The following ROBO2 variants were observed in gnomAD, a reference collection of about 807,000 sequenced individuals.
ROBO2 encodes roundabout homolog 2.
In ROBO2, 53 loss-of-function variants were observed where a neutral mutation model predicts 160.8. The ratio of observed to expected loss-of-function variants is 0.33; its 90% CI spans 0.26 to 0.41. ROBO2 has a LOEUF of 0.41. Ranked by LOEUF, ROBO2 falls within the 10% of genes least tolerant of loss-of-function variation. The probability of loss-of-function intolerance (pLI) is 1.00; values close to 1 mark genes in which losing one functional copy is unlikely to be tolerated. For synonymous variants in ROBO2, 664 were observed against 611.7 expected (o/e 1.09, Z -1.26); for missense variants, 1,577 against 1,722.4 (o/e 0.92, Z 1.49).
chr3:77,539,062 C>T (rs1179222540), intron 6 of ROBO2, among the ~76,000 whole-genome samples: 2 of 152,060 alleles, frequency 1.3e-5, no homozygotes, highest in Non-Finnish European at 2.9e-5. Flanking sequence ...GGATTACAGG[C>T]GCACCCTGCC....
chr3:76,137,334 C>T (rs1478035322), intron 2 of ROBO2, among the ~76,000 whole-genome samples: 1 of 151,914 alleles, frequency 6.6e-6, no homozygotes, highest in Non-Finnish European at 1.5e-5. Flanking sequence ...TGTAGTAATT[C>T]TTGGTTGCCG....
chr3:76,804,858 G>A (rs1245422199), intron 2 of ROBO2, among the ~76,000 whole-genome samples: 5 of 152,190 alleles, frequency 3.3e-5, no homozygotes, highest in Non-Finnish European at 5.9e-5. Flanking sequence ...TATGCTCTTC[G>A]TAATAAACGC....
intron 2 of ROBO2, among the ~76,000 whole-genome samples, chr3:76,724,777 C>T (rs113379382): frequency 1.1e-3 from 174 of 152,216 alleles, no homozygotes; most frequent in African/African-American, 3.9e-3. Context: ...TCTTTGAAGA[C>T]GTGATTCTGT....
At chr3:77,474,003 C>T (rs1359837035) in intron 2 of ROBO2, among the ~76,000 whole-genome samples, 1 of 152,082 alleles carries the variant, frequency 6.6e-6, no homozygotes, top group Non-Finnish European at 1.5e-5. Flanking sequence ...TCTTACCTGC[C>T]TAAAGTCCGG....
intron 2 of ROBO2, among the ~76,000 whole-genome samples, chr3:76,258,968 C>G (rs947659286): frequency 1.3e-5 from 2 of 151,842 alleles, no homozygotes; most frequent in Non-Finnish European, 2.9e-5. Flanking sequence ...TTTTCTTGGC[C>G]CCAATGGTTA....
At chr3:77,516,274 T>A (rs1173001518) in intron 5 of ROBO2, among the ~76,000 whole-genome samples, 2 of 151,708 alleles carry the variant, frequency 1.3e-5, no homozygotes, top group African/African-American at 4.8e-5. Flanking sequence ...TTGAATTTTG[T>A]ATATGTACAT....
chr3:76,938,557 A>T (rs191474225), intron 2 of ROBO2, among the ~76,000 whole-genome samples: 1 of 152,170 alleles, frequency 6.6e-6, no homozygotes, highest in Non-Finnish European at 1.5e-5. Flanking sequence ...CTAGAAATTG[A>T]TAGAAGGCCA....
In ROBO2 at chr3:77,565,599, G is replaced by A. The variant is rs2093456502; in HGVS notation, c.1849+479G>A. ...CAACTGTTAGAAACACACATTTTCAGGCTCAAATTCAAACGCTCTGAGGTT... is the reference window on the plus strand; with the variant it reads ...CAACTGTTAGAAACACACATTTTCAAGCTCAAATTCAAACGCTCTGAGGTT... On this transcript the variant is annotated intron_variant, in intron 12 of 25. Transcript: ENST00000461745. Among the ~76,000 whole-genome samples the A allele has an allele frequency of 2.0e-5, 3 of 152,030 alleles. No individual in the cohort carries two copies. In the South Asian group the frequency reaches 6.2e-4, roughly 31 times the overall value.
chr3:77,280,122 A>G (rs922254402), intron 2 of ROBO2, among the ~76,000 whole-genome samples: 3 of 152,008 alleles, frequency 2.0e-5, no homozygotes, highest in African/African-American at 7.2e-5. Context: ...CACCTCTCTC[A>G]CCTACATCTC....
Position 76,317,278 on chromosome 3 carries a change from TCTTA to T in ROBO2, c.109+379680_109+379683del, listed in dbSNP as rs1484423661. Among the ~76,000 whole-genome samples the T allele has an allele frequency of 2.0e-5, 3 of 152,360 alleles. No individual in the cohort carries two copies. The East Asian group carries it at 5.8e-4, about 29-fold the overall frequency. Reference sequence around the variant, plus strand: ...TGACTTTAAGTGTTAATTACACATTTCTTACTTTTAGCCAATGTGATGGATCTCA... The same window carrying T: ...TGACTTTAAGTGTTAATTACACATTTCTTTTAGCCAATGTGATGGATCTCA... On this transcript the variant is annotated intron_variant, in intron 2 of 26. Transcript: ENST00000487694.
intron 2 of ROBO2, among the ~76,000 whole-genome samples, chr3:76,849,864 T>G (rs528324291): frequency 1.3e-5 from 2 of 152,326 alleles, no homozygotes; most frequent in South Asian, 4.1e-4. Context: ...ACTTATTCTG[T>G]GCTAGCTCCT....
chr3:76,117,619 G>A (rs1309559563), intron 2 of ROBO2, among the ~76,000 whole-genome samples: 1 of 151,944 alleles, frequency 6.6e-6, no homozygotes, highest in East Asian at 1.9e-4. Flanking sequence ...CTGTAGTTGA[G>A]GTATTTTGTT....
chr3:77,426,517 A>C lies in ROBO2; in HGVS notation c.389-50897A>C, dbSNP rs183541293. ...AATATATAGATAATTGAAGGTATAG[A>C]AATTCTTTTTCTTGATCATAAAGGG... On this transcript the variant is annotated intron_variant, in intron 2 of 25. Coordinates refer to ENST00000461745, the Ensembl canonical transcript of ROBO2. Among the ~76,000 whole-genome samples, 49 of 151,904 alleles carry C rather than the reference A, an allele frequency of 3.2e-4. No individual in the cohort carries two copies. In the East Asian group the frequency reaches 7.5e-3, roughly 23 times the overall value.
chr3:77,429,205 GC>G (rs1348426867), intron 2 of ROBO2, among the ~76,000 whole-genome samples: 1 of 152,118 alleles, frequency 6.6e-6, no homozygotes, highest in Non-Finnish European at 1.5e-5. Flanking sequence ...ACTTGTGGAA[GC>G]TCACAAATTC....
At chr3:77,035,977 A>T (rs1476557902), upstream of ROBO2, among the ~76,000 whole-genome samples, 1 of 151,988 alleles carries the variant, frequency 6.6e-6, no homozygotes, top group East Asian at 1.9e-4. Context: ...AGAAAAATTG[A>T]TTACATATTT....
intron 2 of ROBO2, among the ~76,000 whole-genome samples, chr3:77,011,845 A>G (rs942124622): frequency 3.3e-5 from 5 of 152,044 alleles, no homozygotes. Context: ...TATGCAAAAG[A>G]TTTTTCATCC....
At chr3:76,507,414 C>T (rs1191683808) in intron 2 of ROBO2, among the ~76,000 whole-genome samples, 6 of 151,772 alleles carry the variant, frequency 4.0e-5, no homozygotes, top group Non-Finnish European at 1.5e-5. Flanking sequence ...ATAAGAAAAA[C>T]GTTTATTAAT....
At chr3:77,097,451 A>T (rs550650537) in intron 1 of ROBO2, among the ~76,000 whole-genome samples, 15 of 152,226 alleles carry the variant, frequency 9.9e-5, no homozygotes, top group East Asian at 3.9e-4. Flanking sequence ...AGTCAAACAC[A>T]CCTGAGTTCA....
chr3:77,388,177 G>GT (rs1228403480), intron 2 of ROBO2, among the ~76,000 whole-genome samples: 22 of 150,792 alleles, frequency 1.5e-4, no homozygotes, highest in Non-Finnish European at 3.0e-4. Context: ...CACACAAGCA[G>GT]TTTTTTTGTA....
Sources: allele counts gnomAD v4.1 joint callset (sites outside exome capture counted in the v4.1 genomes callset), GRCh38; gene constraint gnomAD v4.1.1; transcripts MANE v1.5; gene names NCBI Gene and HGNC (gene_info 2026-07-23, HGNC 2026-07-21).